Variants in FHIT observed in about 807,000 individuals in gnomAD.
FHIT encodes bis(5'-adenosyl)-triphosphatase.
Under a neutral mutation model 17.9 loss-of-function variants are expected in FHIT, and 19 were observed. That is an observed-to-expected ratio of 1.06 (90% CI 0.74 to 1.56). The LOEUF (loss-of-function observed/expected upper bound fraction) is 1.56. Ranked by LOEUF, FHIT falls within the 40% of genes most tolerant of loss-of-function variation. The probability of loss-of-function intolerance (pLI) is 0.00; values close to 1 mark genes in which losing one functional copy is unlikely to be tolerated. For missense variants in FHIT, 248 were observed against 189.2 expected, an observed-to-expected ratio of 1.31 and a Z score of -1.82; for synonymous variants, 81 against 69.7, an observed-to-expected ratio of 1.16 and a Z score of -0.81.
At chr3:60,049,257 A>T (rs561457042) in intron 5 of FHIT, among the ~76,000 whole-genome samples, 1 of 152,236 alleles carries the variant, frequency 6.6e-6, no homozygotes, top group African/African-American at 2.4e-5. Context: ...GAAAACCACC[A>T]GAATATGTAT....
At chr3:60,245,653 T>C (rs551111769) in intron 5 of FHIT, among the ~76,000 whole-genome samples, 46 of 152,090 alleles carry the variant, frequency 3.0e-4, no homozygotes, top group Non-Finnish European at 6.2e-4. Context: ...AATCAAGCAA[T>C]ATATATGATA....
intron 4 of FHIT, among the ~76,000 whole-genome samples, chr3:60,563,662 G>A (rs9864410): frequency 0.22 from 32,867 of 152,074 alleles, 3,734 homozygotes; most frequent in African/African-American, 0.28. Flanking sequence ...TGAGTGGTCT[G>A]GATAGAAGAT....
intron 4 of FHIT, among the ~76,000 whole-genome samples, chr3:60,629,600 A>G (rs895384884): frequency 2.0e-5 from 3 of 152,208 alleles, no homozygotes; most frequent in Admixed American, 2.0e-4. Context: ...AAGCAGAATT[A>G]AAGTCAACTC....
rs59589849 is a variant in FHIT at position 59,869,484 on chromosome 3, C to CTTTTTTTTTTTTTTTTTTTT, written c.348+52861_348+52862insAAAAAAAAAAAAAAAAAAAA. Among the ~76,000 whole-genome samples, 40 of 105,456 alleles carry CTTTTTTTTTTTTTTTTTTTT rather than the reference C, an allele frequency of 3.8e-4. 5 individuals are homozygous for CTTTTTTTTTTTTTTTTTTTT. Among genetic ancestry groups the CTTTTTTTTTTTTTTTTTTTT allele is most frequent in the African/African-American group, 1.2e-3 (30 of 24,116 alleles). The allele number at this position is 105,456 out of a possible 152,430, so 69.2% of individuals were successfully genotyped here. On this transcript the variant is annotated intron_variant, in intron 8 of 9. Transcript: ENST00000492590. Reference sequence around the variant, plus strand: ...ATTCCATCTTTCCTTAAAGAACATCCTTTTTTTTTTTTTTTTAGACAGAGT... The same window carrying CTTTTTTTTTTTTTTTTTTTT: ...ATTCCATCTTTCCTTAAAGAACATCCTTTTTTTTTTTTTTTTTTTTTTTTTTTTTTTTTTTTAGACAGAGT...
chr3:60,129,237 G>C (rs1185655029), intron 5 of FHIT, among the ~76,000 whole-genome samples: 1 of 151,822 alleles, frequency 6.6e-6, no homozygotes, highest in South Asian at 2.1e-4. Flanking sequence ...CTTTTTAGTA[G>C]AGGTGGGGTT....
intron 5 of FHIT, among the ~76,000 whole-genome samples, chr3:60,366,668 C>T (rs570026835): frequency 6.6e-6 from 1 of 152,270 alleles, no homozygotes; most frequent in African/African-American, 2.4e-5. Context: ...CTTCTGCCGT[C>T]CGCTCCCCTG....
intron 7 of FHIT, among the ~76,000 whole-genome samples, chr3:59,979,798 A>G (rs966364088): frequency 6.6e-6 from 1 of 152,136 alleles, no homozygotes; most frequent in African/African-American, 2.4e-5. Context: ...TTTCGAAAAG[A>G]AAGAAACTGT....
At chr3:60,961,585 C>T (rs1709446807) in intron 3 of FHIT, among the ~76,000 whole-genome samples, 1 of 152,030 alleles carries the variant, frequency 6.6e-6, no homozygotes, top group Non-Finnish European at 1.5e-5. Context: ...GTCTTTAATC[C>T]ACCTTGAATT....
intron 5 of FHIT, among the ~76,000 whole-genome samples, chr3:60,274,607 A>G (rs1266475338): frequency 6.6e-6 from 1 of 152,226 alleles, no homozygotes; most frequent in East Asian, 1.9e-4. Flanking sequence ...TAGCAATAAC[A>G]GCAACAACAA....
At chr3:60,896,172 G>A (rs114602134) in intron 3 of FHIT, among the ~76,000 whole-genome samples, 11 of 151,976 alleles carry the variant, frequency 7.2e-5, no homozygotes, top group Non-Finnish European at 1.0e-4. Context: ...AACTATCCCC[G>A]CTCCCCTGCC....
intron 8 of FHIT, among the ~76,000 whole-genome samples, chr3:59,869,079 A>T (rs1702789989): frequency 6.6e-6 from 1 of 152,186 alleles, no homozygotes; most frequent in African/African-American, 2.4e-5. Flanking sequence ...ATTTAGTGAA[A>T]ATGAAGCACT....
At chr3:60,714,145 A>G (rs2041616386) in intron 4 of FHIT, among the ~76,000 whole-genome samples, 2 of 152,244 alleles carry the variant, frequency 1.3e-5, no homozygotes, top group Non-Finnish European at 2.9e-5. Flanking sequence ...AAATCAATAA[A>G]TGTAATCCAG....
chr3:60,941,820 T>C (rs1440438618), intron 3 of FHIT, among the ~76,000 whole-genome samples: 2 of 152,214 alleles, frequency 1.3e-5, no homozygotes, highest in African/African-American at 4.8e-5. Flanking sequence ...ATTTAGACTC[T>C]GTTCCACCTT....
chr3:60,990,373 C>A (rs1164140071), intron 3 of FHIT, among the ~76,000 whole-genome samples: 1 of 152,152 alleles, frequency 6.6e-6, no homozygotes, highest in Non-Finnish European at 1.5e-5. Flanking sequence ...CATGTCAACC[C>A]CACGCATTGA....
intron 5 of FHIT, among the ~76,000 whole-genome samples, chr3:60,419,159 C>T (rs1044498552): frequency 2.6e-5 from 4 of 152,164 alleles, no homozygotes; most frequent in African/African-American, 9.7e-5. Flanking sequence ...GCCAAGTCAT[C>T]TTAGACAAGT....
intron 5 of FHIT, among the ~76,000 whole-genome samples, chr3:60,036,420 C>T (rs1202237355): frequency 1.3e-5 from 2 of 152,172 alleles, no homozygotes; most frequent in East Asian, 3.9e-4. Context: ...CCCATAATGC[C>T]TTGCTAGATA....
chr3:59,831,086 T>A (rs778305442), intron 8 of FHIT, among the ~76,000 whole-genome samples: 7 of 152,174 alleles, frequency 4.6e-5, no homozygotes, highest in Non-Finnish European at 1.0e-4. Flanking sequence ...AATGGGAGGC[T>A]ATAACCCCAC....
At chr3:60,237,511 G>A (rs558155423) in intron 5 of FHIT, among the ~76,000 whole-genome samples, 1 of 152,218 alleles carries the variant, frequency 6.6e-6, no homozygotes, top group African/African-American at 2.4e-5. Context: ...CTTGATGAGT[G>A]TCTTCACATA....
intron 5 of FHIT, among the ~76,000 whole-genome samples, chr3:60,131,836 A>T (rs1011909198): frequency 1.3e-5 from 2 of 152,022 alleles, no homozygotes; most frequent in Admixed American, 6.6e-5. Context: ...CTCTTCTCAA[A>T]GCCAATCACA....
Sources: gnomAD v4.1 joint callset for allele counts (sites outside exome capture counted in the v4.1 genomes callset) on GRCh38, gnomAD v4.1.1 for gene constraint, MANE v1.5 for transcripts, NCBI Gene and HGNC (gene_info 2026-07-23, HGNC 2026-07-21) for gene names.